The following IQCH variants were observed in gnomAD, a reference collection of about 807,000 sequenced individuals.
IQCH encodes the protein IQ motif containing H.
IQCH carries 98 observed loss-of-function variants against 117.0 expected under a neutral mutation model. The ratio of observed to expected loss-of-function variants is 0.84; its 90% CI spans 0.71 to 0.99. IQCH has a LOEUF of 0.99. IQCH is among the 50% of genes least tolerant of loss of function. The pLI, the probability that IQCH is intolerant of heterozygous loss-of-function variation, is 0.00. For synonymous variants in IQCH, 412 were observed against 448.2 expected, an observed-to-expected ratio of 0.92 and a Z score of 1.02; for missense variants, 1,102 against 1,243.8, an observed-to-expected ratio of 0.89 and a Z score of 1.72.
rs554980661 is a variant in IQCH at position 67,294,146 on chromosome 15, G to T, written c.387+14634G>T. Among the ~76,000 whole-genome samples the T allele has an allele frequency of 2.9e-4, 44 of 152,208 alleles. 1 individual carries two copies. The highest frequency in any genetic ancestry group is 1.0e-3 in the African/African-American group (42 of 41,542). ...TTTCAAGCACAGCAGTGTGACCTCT[G>T]CATCCTAGACTGCCAGCTCACATAT... is the stretch of plus-strand genomic sequence containing the variant. On this transcript the variant is annotated intron_variant, in intron 4 of 20. Coordinates refer to ENST00000335894, the MANE Select transcript of IQCH (RefSeq NM_001031715.3).
intron 8 of IQCH, among the ~76,000 whole-genome samples, 167 bp from the exon 9 acceptor site, chr15:67,371,944 T>A (rs768028978): frequency 4.6e-5 from 7 of 152,216 alleles, no homozygotes; most frequent in Admixed American, 4.6e-4. Flanking sequence ...TTTAATGATA[T>A]ATACTAGCTA....
rs2081922615 is a variant in IQCH, at chr15:67,427,582, C to T, written c.2505+6005C>T. Among the ~76,000 whole-genome samples the T allele has an allele frequency of 6.6e-6, 1 of 152,090 alleles. No individual in the cohort carries two copies. Among genetic ancestry groups the T allele is most frequent in the African/African-American group, 2.4e-5 (1 of 41,398 alleles). Reference sequence around the variant, plus strand: ...CACTTTCCCTCATTTTCAGTTTTCTCAGCTATAAAATGAGGAGGTTAGCTT... The same window carrying T: ...CACTTTCCCTCATTTTCAGTTTTCTTAGCTATAAAATGAGGAGGTTAGCTT... On this transcript the variant is annotated intron_variant, in intron 16 of 20. Transcript: ENST00000335894. This position sits in a 1 kb window ranked among gnomAD's most constrained non-coding sequence, Gnocchi z 4.7.
At chr15:67,303,663 CCTAGGTGTCCTGACAA>C (rs1159665589) in intron 4 of IQCH, among the ~76,000 whole-genome samples, 1 of 152,074 alleles carries the variant, frequency 6.6e-6, no homozygotes, top group Non-Finnish European at 1.5e-5. Flanking sequence ...AGAGCTGGCA[CCTAGGTGTCCTGACAA>C]CTATCTAGTG....
chr15:67,314,614 C>G (rs1240533406), intron 4 of IQCH, among the ~76,000 whole-genome samples: 1 of 151,590 alleles, frequency 6.6e-6, no homozygotes, highest in Non-Finnish European at 1.5e-5. Flanking sequence ...AAATAGGAGT[C>G]ACAACATAGT....
Position 67,433,881 on chromosome 15 carries a change from T to C in IQCH, c.2505+12304T>C, listed in dbSNP as rs1405113939. ...TGTTTCTAGTTCCAGCTGTCACCTG[T>C]GGTCAAGACTTTTTATGTGATAAAT... On this transcript the variant is annotated intron_variant, in intron 16 of 20. Coordinates refer to ENST00000335894, the MANE Select transcript of IQCH (RefSeq NM_001031715.3). The surrounding 1 kb of genome is among the most constrained non-coding windows in gnomAD (Gnocchi z 5.4). 6.6e-6 allele frequency among the ~76,000 whole-genome samples: 1 copy of C among 152,238 alleles called. No homozygotes were observed. Among genetic ancestry groups the C allele is most frequent in the Non-Finnish European group, 1.5e-5 (1 of 68,034 alleles).
chr15:67,395,414 G>C lies in IQCH; in HGVS notation c.1756G>C (p.Ala586Pro), dbSNP rs1267714173. ...CGGGCTCCTCCACAGAGATGATTTAGCTGTGGCCGATATGTTAGACATACC... is the reference window on the plus strand; with the variant it reads ...CGGGCTCCTCCACAGAGATGATTTACCTGTGGCCGATATGTTAGACATACC... Reference protein sequence around the residue: ...VSGLLHRDDLAVADMLDIPIL... With the variant: ...VSGLLHRDDLPVADMLDIPIL... The change falls in exon 13 of 21, where the codon GCT becomes CCT. Residue 586 changes from alanine to proline, a missense_variant. Around this residue, in one of 2 missense-constraint regions of IQCH, gnomAD observed 650 missense variants for 794.3 expected, o/e 0.82. Transcript: ENST00000335894. This position sits in a 1 kb window ranked among gnomAD's most constrained non-coding sequence, Gnocchi z 4.0. 1 of 1,614,096 alleles carries C rather than the reference G, an allele frequency of 6.2e-7. No homozygotes were observed. Among genetic ancestry groups the C allele is most frequent in the Non-Finnish European group, 8.5e-7 (1 of 1,179,992 alleles).
At chr15:67,345,030 C>A (rs1014623451) in intron 6 of IQCH, among the ~76,000 whole-genome samples, 4 of 152,134 alleles carry the variant, frequency 2.6e-5, no homozygotes, top group Admixed American at 1.3e-4. Context: ...ACTCTTGTTG[C>A]CCAGACTAGA....
chr15:67,262,834 A>G (rs1253465221), intron 2 of IQCH, among the ~76,000 whole-genome samples: 3 of 152,062 alleles, frequency 2.0e-5, no homozygotes, highest in African/African-American at 7.2e-5. Context: ...GCAGTGAGAC[A>G]TCACTCCACT....
chr15:67,449,819 A>G (rs1048785890), intron 16 of IQCH, among the ~76,000 whole-genome samples: 13 of 152,280 alleles, frequency 8.5e-5, no homozygotes, highest in African/African-American at 3.1e-4. Context: ...CTTGGGCAGT[A>G]TGGCCATTTT....
At position 67,395,722 on chromosome 15, in the gene IQCH, AT is replaced by A. The variant is rs1555479105; in HGVS notation, c.1905+162del. Among the ~76,000 whole-genome samples the A allele has an allele frequency of 1.3e-5, 2 of 151,142 alleles. No individual in the cohort carries two copies. The highest frequency in any genetic ancestry group is 6.6e-5 in the Admixed American group (1 of 15,150). ...ATCTACTTTATTTATTTATTTATTT[AT>A]TTATTTATTTATTTTTGAGATGGAG... On this transcript the variant is annotated intron_variant, in intron 13 of 20. Transcript: ENST00000335894. This position sits in a 1 kb window ranked among gnomAD's most constrained non-coding sequence, Gnocchi z 4.0.
At chr15:67,297,013 C>T (rs920734330) in intron 4 of IQCH, among the ~76,000 whole-genome samples, 1 of 152,142 alleles carries the variant, frequency 6.6e-6, no homozygotes, top group African/African-American at 2.4e-5. Context: ...GGATTGGCCA[C>T]ATCTGAATAG....
chr15:67,458,365 T>G lies in IQCH; in HGVS notation c.2506-6762T>G, dbSNP rs1396911536. 1.3e-5 allele frequency among the ~76,000 whole-genome samples: 2 copies of G among 152,240 alleles called. No individual in the cohort carries two copies. Among genetic ancestry groups the G allele is most frequent in the Non-Finnish European group, 2.9e-5 (2 of 68,050 alleles). ...CCAATCCATCAATAAGTCCTTTTAG[T>G]TCTACTTTTGAAAAATATCTATAAT... On this transcript the variant is annotated intron_variant, in intron 16 of 20. Coordinates refer to ENST00000335894, the MANE Select transcript of IQCH (RefSeq NM_001031715.3). This position sits in a 1 kb window ranked among gnomAD's most constrained non-coding sequence, Gnocchi z 4.1.
At position 67,365,048 on chromosome 15, in the gene IQCH, C is replaced by T. The variant is rs1041740260; in HGVS notation, c.753+5163C>T. On this transcript the variant is annotated intron_variant, in intron 8 of 20. Coordinates refer to ENST00000335894, the MANE Select transcript of IQCH (RefSeq NM_001031715.3). The surrounding 1 kb of genome is among the most constrained non-coding windows in gnomAD (Gnocchi z 4.4). ...CTTGACCTGCCGGGGCTCAAGCAGT[C>T]CTCCCACCTCACAGTCCTGAGTAGC... is the stretch of plus-strand genomic sequence containing the variant. Among the ~76,000 whole-genome samples the T allele has an allele frequency of 1.3e-5, 2 of 152,098 alleles. No homozygotes were observed. The highest frequency in any genetic ancestry group is 4.8e-5 in the African/African-American group (2 of 41,412).
chr15:67,381,035 C>T lies in IQCH; in HGVS notation c.1373-3901C>T, dbSNP rs796990037. Among the ~76,000 whole-genome samples the T allele has an allele frequency of 3.3e-4, 51 of 152,286 alleles. No homozygotes were observed. The highest frequency in any genetic ancestry group is 2.6e-3 in the Admixed American group (40 of 15,304). On this transcript the variant is annotated intron_variant, in intron 10 of 20. Transcript: ENST00000335894. The surrounding 1 kb of genome is among the most constrained non-coding windows in gnomAD (Gnocchi z 5.1). ...GGGTAAGAAGCTGAGTTTTCAAGAA[C>T]GTGTGATCTGCTGCAACAACAGGGG...
rs1398943783 is a variant in IQCH at position 67,425,532 on chromosome 15, A to C, written c.2505+3955A>C. Among the ~76,000 whole-genome samples, 2 of 152,186 alleles carry C rather than the reference A, an allele frequency of 1.3e-5. No homozygotes were observed. The highest frequency in any genetic ancestry group is 2.9e-5 in the Non-Finnish European group (2 of 68,028). On this transcript the variant is annotated intron_variant, in intron 16 of 20. Coordinates refer to ENST00000335894, the MANE Select transcript of IQCH (RefSeq NM_001031715.3). The surrounding 1 kb of genome is among the most constrained non-coding windows in gnomAD (Gnocchi z 5.5). ...GAGGCTAAGGCAGGAGAATCACTTG[A>C]ACCCAGGAGGTGGAGGTTGCAGTGA...
chr15:67,465,807 G>C lies in IQCH; in HGVS notation c.2676+510G>C, dbSNP rs184959500. 6.6e-6 allele frequency among the ~76,000 whole-genome samples: 1 copy of C among 152,282 alleles called. No homozygotes were observed. Among genetic ancestry groups the C allele is most frequent in the East Asian group, 1.9e-4 (1 of 5,170 alleles). On this transcript the variant is annotated intron_variant, in intron 17 of 20. Coordinates refer to ENST00000335894, the MANE Select transcript of IQCH (RefSeq NM_001031715.3). The surrounding 1 kb of genome is among the most constrained non-coding windows in gnomAD (Gnocchi z 5.9). ...CCCACATCCAGTCAGCAAGCAGGGC[G>C]TGTTGAGTCTAGCTACGAAAATGCC...
chr15:67,484,234 T>C (rs1055512292), intron 18 of IQCH, among the ~76,000 whole-genome samples: 2 of 151,900 alleles, frequency 1.3e-5, no homozygotes, highest in Admixed American at 6.6e-5. Flanking sequence ...GGCAAAACCC[T>C]GTCTCCACAA....
chr15:67,385,512 G>A lies in IQCH; in HGVS notation c.1456+493G>A, dbSNP rs936437886. Among the ~76,000 whole-genome samples the A allele has an allele frequency of 6.6e-6, 1 of 152,178 alleles. No homozygotes were observed. The highest frequency in any genetic ancestry group is 2.4e-5 in the African/African-American group (1 of 41,448). On this transcript the variant is annotated intron_variant, in intron 11 of 20. Transcript: ENST00000335894. The surrounding 1 kb of genome is among the most constrained non-coding windows in gnomAD (Gnocchi z 4.6). ...AGAGCATCTTATTATTAGAAAACGT[G>A]AAGTGCTTAATGGAGGGAATTTTTA...
intron 16 of IQCH, among the ~76,000 whole-genome samples, chr15:67,462,255 C>T (rs934632818): frequency 6.6e-6 from 1 of 151,654 alleles, no homozygotes; most frequent in African/African-American, 2.4e-5. Flanking sequence ...GGTGAAACCC[C>T]GTCTCTACTA....
Sources: allele counts gnomAD v4.1 joint callset (sites outside exome capture counted in the v4.1 genomes callset), GRCh38; gene constraint gnomAD v4.1.1; regional missense constraint gnomAD v4.1.1; non-coding constraint Gnocchi (gnomAD v3.1); transcripts MANE v1.5; gene names NCBI Gene and HGNC (gene_info 2026-07-23, HGNC 2026-07-21).